The following FARP1 variants were observed in gnomAD, a reference collection of about 807,000 sequenced individuals.
FARP1 encodes FERM, ARH/RhoGEF and pleckstrin domain protein 1.
A neutral mutation model predicts 128.8 loss-of-function variants in FARP1; 52 were observed. That is an observed-to-expected ratio of 0.40 (90% CI 0.32 to 0.51). The LOEUF (loss-of-function observed/expected upper bound fraction) is 0.51. Ranked by LOEUF, FARP1 falls within the 20% of genes least tolerant of loss-of-function variation. The pLI is 0.45. For synonymous variants in FARP1, 580 were observed against 551.8 expected (o/e 1.05, Z -0.72); for missense variants, 1,333 against 1,367.9 (o/e 0.97, Z 0.40).
intron 2 of FARP1, among the ~76,000 whole-genome samples, chr13:98,288,970 T>TC (rs2139657217): frequency 1.0e-5 from 1 of 96,680 alleles, no homozygotes; most frequent in East Asian, 3.4e-4. Context: ...TCCTATGGCT[T>TC]TTTTTTTTTT....
rs9554450 is a variant in FARP1, at chr13:98,214,695, C to T, written c.171+1282C>T. 0.035 allele frequency among the ~76,000 whole-genome samples: 5,395 copies of T among 152,242 alleles called. 825 individuals are homozygous for T. The East Asian group carries it at 0.52, about 15-fold the overall frequency. ...TATGCTTAAAACCACCAATTTATTGCGCACTGCAAACAACCTTTGTGTTTT... is the reference window on the plus strand; with the variant it reads ...TATGCTTAAAACCACCAATTTATTGTGCACTGCAAACAACCTTTGTGTTTT... On this transcript the variant is annotated intron_variant, in intron 2 of 26. Coordinates refer to ENST00000319562, the MANE Select transcript of FARP1 (RefSeq NM_005766.4).
intron 1 of FARP1, among the ~76,000 whole-genome samples, chr13:98,183,686 A>T (rs555443905): frequency 1.3e-5 from 2 of 152,172 alleles, no homozygotes; most frequent in Non-Finnish European, 2.9e-5. Context: ...TCATCTTTGA[A>T]TGAGGCCGAG....
chr13:98,277,870 C>T (rs1398568347), intron 2 of FARP1, among the ~76,000 whole-genome samples: 4 of 152,122 alleles, frequency 2.6e-5, no homozygotes, highest in South Asian at 2.1e-4. Context: ...ATTGGTTGGG[C>T]GGGGGCCTAG....
intron 2 of FARP1, among the ~76,000 whole-genome samples, chr13:98,215,443 C>T (rs1314938074): frequency 6.6e-6 from 1 of 152,144 alleles, no homozygotes; most frequent in Admixed American, 6.5e-5. Context: ...CCAGCATCTC[C>T]TACTGAGAGT....
chr13:98,351,133 C>A (rs921576884), intron 3 of FARP1, among the ~76,000 whole-genome samples: 1 of 152,032 alleles, frequency 6.6e-6, no homozygotes, highest in Non-Finnish European at 1.5e-5. Context: ...TGCCTCCAGC[C>A]CAGCCCTGGT....
intron 1 of FARP1, among the ~76,000 whole-genome samples, chr13:98,172,467 G>T (rs909757634): frequency 5.9e-5 from 9 of 152,100 alleles, no homozygotes; most frequent in Admixed American, 2.0e-4. Context: ...TGTAGCCAAA[G>T]AATGAAAATC....
chr13:98,160,080 G>A (rs901199897), intron 1 of FARP1, among the ~76,000 whole-genome samples: 1 of 152,238 alleles, frequency 6.6e-6, no homozygotes, highest in Non-Finnish European at 1.5e-5. Context: ...GTTGGTACCA[G>A]AGGTTGCTTG....
intron 2 of FARP1, chr13:98,245,247 A>G: frequency 2.0e-6 from 2 of 985,140 alleles, no homozygotes; most frequent in South Asian, 9.4e-5. Context: ...TTATTCAAAG[A>G]ATGGATTGTT....
chr13:98,147,997 A>G lies in FARP1; in HGVS notation c.-24+4505A>G, dbSNP rs536316983. On this transcript the variant is annotated intron_variant, in intron 1 of 26. Coordinates refer to ENST00000319562, the MANE Select transcript of FARP1 (RefSeq NM_005766.4). Reference sequence around the variant, plus strand: ...GATAGATTGCAGTTCTGGCAGTTTGATATTTGATTTTGTTTTCATTTCATT... The same window carrying G: ...GATAGATTGCAGTTCTGGCAGTTTGGTATTTGATTTTGTTTTCATTTCATT... 2.0e-3 allele frequency among the ~76,000 whole-genome samples: 303 copies of G among 152,288 alleles called. 2 individuals carry two copies. Among genetic ancestry groups the G allele is most frequent in the African/African-American group, 7.1e-3 (295 of 41,564 alleles).
intron 2 of FARP1, among the ~76,000 whole-genome samples, chr13:98,296,761 C>A (rs903457800): frequency 4.1e-5 from 6 of 146,052 alleles, no homozygotes; most frequent in Non-Finnish European, 8.9e-5. Flanking sequence ...ACATAGCTCA[C>A]TGCAGCCTCT....
At chr13:98,240,893 G>A (rs75837273) in intron 2 of FARP1, among the ~76,000 whole-genome samples, 1,781 of 152,300 alleles carry the variant, frequency 0.012, 32 homozygotes, top group African/African-American at 0.038. Flanking sequence ...ATTCCTTTAC[G>A]ATCCGGCATT....
intron 2 of FARP1, among the ~76,000 whole-genome samples, chr13:98,268,439 A>G (rs887760913): frequency 5.9e-5 from 9 of 152,180 alleles, no homozygotes; most frequent in African/African-American, 2.2e-4. Flanking sequence ...CCCAAAGCAC[A>G]TCTACGCTGA....
At chr13:98,300,416 G>T (rs976766338) in intron 2 of FARP1, among the ~76,000 whole-genome samples, 2 of 152,220 alleles carry the variant, frequency 1.3e-5, no homozygotes, top group African/African-American at 4.8e-5. Flanking sequence ...GCAGTGAAGA[G>T]AGCTGGGCAG....
intron 2 of FARP1, among the ~76,000 whole-genome samples, chr13:98,225,093 T>C (rs185718649): frequency 3.1e-4 from 47 of 152,338 alleles, no homozygotes; most frequent in African/African-American, 1.1e-3. Context: ...CTTTGTGTAG[T>C]AGTCACAGCA....
intron 16 of FARP1, among the ~76,000 whole-genome samples, chr13:98,414,198 C>T (rs1891294348): frequency 6.6e-6 from 1 of 152,170 alleles, no homozygotes; most frequent in African/African-American, 2.4e-5. Context: ...AGAGGGTTTT[C>T]AGTAGAGTAT....
intron 2 of FARP1, among the ~76,000 whole-genome samples, chr13:98,300,753 A>G (rs915673672): frequency 2.9e-4 from 44 of 152,194 alleles, no homozygotes; most frequent in Admixed American, 2.4e-3. Flanking sequence ...GGTTTCAAAT[A>G]TATATGGGGC....
chr13:98,394,484 C>G (rs772524728), intron 12 of FARP1, among the ~76,000 whole-genome samples: 2 of 152,206 alleles, frequency 1.3e-5, no homozygotes, highest in African/African-American at 2.4e-5. Flanking sequence ...CTGGAAGGGC[C>G]GTCTTGTTCC....
intron 6 of FARP1, among the ~76,000 whole-genome samples, chr13:98,380,151 A>G (rs1225863061): frequency 6.6e-6 from 1 of 152,180 alleles, no homozygotes; most frequent in Non-Finnish European, 1.5e-5. Flanking sequence ...CTGTTACACT[A>G]AAGAGTAGAT....
chr13:98,392,194 T>C (rs1487105579), intron 11 of FARP1, among the ~76,000 whole-genome samples: 1 of 151,894 alleles, frequency 6.6e-6, no homozygotes, highest in Non-Finnish European at 1.5e-5. Context: ...TGTGTAGAAT[T>C]GCTCTGGAGG....
Sources: allele counts gnomAD v4.1 joint callset (sites outside exome capture counted in the v4.1 genomes callset), GRCh38; gene constraint gnomAD v4.1.1; transcripts MANE v1.5; gene names NCBI Gene and HGNC (gene_info 2026-07-23, HGNC 2026-07-21).